The following NRXN3 variants were observed in gnomAD, a reference collection of about 807,000 sequenced individuals.
NRXN3 encodes neurexin 3.
NRXN3 carries 32 observed loss-of-function variants against 137.6 expected under a neutral mutation model. The ratio of observed to expected loss-of-function variants is 0.23; its 90% confidence interval spans 0.18 to 0.31. The LOEUF is 0.31. Ranked by LOEUF, NRXN3 falls within the 10% of genes least tolerant of loss-of-function variation. NRXN3 has a pLI of 1.00. For missense variants in NRXN3, 1,574 were observed against 2,062.5 expected (o/e 0.76, Z 4.59); for synonymous variants, 798 against 784.5 (o/e 1.02, Z -0.29).
At chr14:79,250,039 G>A (rs928047853) in intron 15 of NRXN3, among the ~76,000 whole-genome samples, 1 of 152,206 alleles carries the variant, frequency 6.6e-6, no homozygotes, top group South Asian at 2.1e-4. Flanking sequence ...TCACTCATCT[G>A]TAAGTGCTAC....
chr14:79,441,061 C>T (rs894701057), intron 15 of NRXN3, among the ~76,000 whole-genome samples: 2 of 152,274 alleles, frequency 1.3e-5, no homozygotes, highest in African/African-American at 2.4e-5. Context: ...CATTCTGTTC[C>T]AAAAATAATT....
chr14:79,040,813 A>G (rs1179322732), intron 15 of NRXN3, among the ~76,000 whole-genome samples: 1 of 152,154 alleles, frequency 6.6e-6, no homozygotes, highest in Non-Finnish European at 1.5e-5. Context: ...GTGGGCTCTT[A>G]GCTTGAGTTA....
At chr14:78,935,856 C>T (rs1173842127) in intron 10 of NRXN3, among the ~76,000 whole-genome samples, 1 of 152,168 alleles carries the variant, frequency 6.6e-6, no homozygotes, top group Middle Eastern at 3.2e-3. Flanking sequence ...TTTGTCCCCC[C>T]ACCTTCCATT....
intron 10 of NRXN3, among the ~76,000 whole-genome samples, chr14:78,862,634 C>T (rs905211254): frequency 6.6e-5 from 10 of 152,058 alleles, no homozygotes; most frequent in Admixed American, 3.3e-4. Flanking sequence ...AGTATTTTAT[C>T]TGTTCAACAA....
intron 4 of NRXN3, among the ~76,000 whole-genome samples, chr14:78,360,287 G>A (rs1029623859): frequency 1.3e-5 from 2 of 152,054 alleles, no homozygotes; most frequent in African/African-American, 4.8e-5. Context: ...TCTAGGGGTC[G>A]GGGTCCTTTC....
intron 15 of NRXN3, among the ~76,000 whole-genome samples, chr14:79,148,718 A>G (rs962542797): frequency 3.3e-5 from 5 of 152,152 alleles, no homozygotes; most frequent in Non-Finnish European, 5.9e-5. Flanking sequence ...TTGAGATTAA[A>G]ATAGCTTTCC....
At chr14:78,911,662 G>A (rs2099238080) in intron 10 of NRXN3, among the ~76,000 whole-genome samples, 1 of 152,156 alleles carries the variant, frequency 6.6e-6, no homozygotes, top group Non-Finnish European at 1.5e-5. Flanking sequence ...TCATTTGAAA[G>A]CATGTTATTT....
chr14:78,556,837 T>A (rs1389914240), intron 4 of NRXN3, among the ~76,000 whole-genome samples: 4 of 150,756 alleles, frequency 2.7e-5, no homozygotes, highest in African/African-American at 9.8e-5. Flanking sequence ...AAAAAAAAAA[T>A]ACATCTAGGA....
At chr14:79,303,605 A>T (rs2085511702) in intron 15 of NRXN3, among the ~76,000 whole-genome samples, 1 of 152,026 alleles carries the variant, frequency 6.6e-6, no homozygotes, top group Non-Finnish European at 1.5e-5. Context: ...TGATCAACTG[A>T]GGTCAGAAGT....
At position 79,039,685 on chromosome 14, in the gene NRXN3, A is replaced by T. The variant is rs576496987; in HGVS notation, c.3262+51544A>T. On this transcript the variant is annotated intron_variant, in intron 15 of 20. Transcript: ENST00000335750. ...CCCTACCTGTAATGTGCTTTTTCATATTCTTTTTTATTTTAAATAGAGACA... is the reference window on the plus strand; with the variant it reads ...CCCTACCTGTAATGTGCTTTTTCATTTTCTTTTTTATTTTAAATAGAGACA... 1.6e-3 allele frequency among the ~76,000 whole-genome samples: 250 copies of T among 152,058 alleles called. 1 individual carries two copies. The highest frequency in any genetic ancestry group is 5.9e-3 in the African/African-American group (243 of 41,508).
intron 15 of NRXN3, among the ~76,000 whole-genome samples, chr14:79,399,999 AGTGCATGT>A (rs890604418): frequency 1.3e-5 from 2 of 152,120 alleles, no homozygotes; most frequent in African/African-American, 4.8e-5. Flanking sequence ...TGTGTGTGTG[AGTGCATGT>A]GTGCATGTGC....
chr14:79,727,076 A>G (rs142940731), intron 19 of NRXN3, among the ~76,000 whole-genome samples: 14 of 152,232 alleles, frequency 9.2e-5, no homozygotes, highest in African/African-American at 3.4e-4. Flanking sequence ...TAGTGATAAC[A>G]TTATTCAGCC....
chr14:79,600,459 T>C (rs1298615053), intron 16 of NRXN3, among the ~76,000 whole-genome samples: 1 of 152,104 alleles, frequency 6.6e-6, no homozygotes, highest in Non-Finnish European at 1.5e-5. Context: ...CAAGTAACAA[T>C]GTTAAACTTC....
intron 16 of NRXN3, among the ~76,000 whole-genome samples, chr14:79,603,353 C>G (rs985815006): frequency 6.6e-6 from 1 of 152,166 alleles, no homozygotes; most frequent in Non-Finnish European, 1.5e-5. Context: ...CTCCTGCACC[C>G]CAAGCTGGAA....
chr14:78,299,624 GA>G (rs1383224793), intron 4 of NRXN3, among the ~76,000 whole-genome samples: 2 of 152,152 alleles, frequency 1.3e-5, no homozygotes, highest in African/African-American at 4.8e-5. Context: ...GGGATAGGCT[GA>G]TGGGGACTTC....
intron 10 of NRXN3, among the ~76,000 whole-genome samples, chr14:78,904,560 A>G (rs2099208831): frequency 6.6e-6 from 1 of 152,132 alleles, no homozygotes; most frequent in Non-Finnish European, 1.5e-5. Flanking sequence ...AAAATCAAAT[A>G]CAGATGATTT....
intron 15 of NRXN3, among the ~76,000 whole-genome samples, chr14:79,112,720 A>C (rs1431696594): frequency 1.3e-5 from 2 of 152,226 alleles, no homozygotes; most frequent in East Asian, 3.8e-4. Flanking sequence ...TTTACTTTCT[A>C]AATAAAAAAT....
At chr14:79,087,224 T>C (rs1386754164) in intron 15 of NRXN3, among the ~76,000 whole-genome samples, 1 of 152,122 alleles carries the variant, frequency 6.6e-6, no homozygotes, top group African/African-American at 2.4e-5. Context: ...GAAAATGTGA[T>C]GTAAACTGCC....
chr14:79,764,865 T>G (rs531195512), intron 19 of NRXN3, among the ~76,000 whole-genome samples: 35 of 152,352 alleles, frequency 2.3e-4, no homozygotes, highest in African/African-American at 7.9e-4. Context: ...CATCTGCTAA[T>G]TCCTTTCAAG....
Sources: gnomAD v4.1 joint callset for allele counts (sites outside exome capture counted in the v4.1 genomes callset) on GRCh38, gnomAD v4.1.1 for gene constraint, MANE v1.5 for transcripts, NCBI Gene and HGNC (gene_info 2026-07-23, HGNC 2026-07-21) for gene names.